The following PABIR3 variants were observed in gnomAD, a reference collection of about 807,000 sequenced individuals.
PABIR3 encodes PABIR family member 1.
Under a neutral mutation model 23.1 loss-of-function variants are expected in PABIR3, and 20 were observed. The ratio of observed to expected loss-of-function variants is 0.86; its 90% CI spans 0.61 to 1.26. PABIR3 has a LOEUF of 1.26. Ranked by LOEUF, PABIR3 falls within the 50% of genes most tolerant of loss-of-function variation. The pLI, the probability that PABIR3 is intolerant of heterozygous loss-of-function variation, is 0.00. For synonymous variants in PABIR3, 69 were observed against 68.5 expected, an observed-to-expected ratio of 1.01 and a Z score of -0.04; for missense variants, 189 against 195.4, an observed-to-expected ratio of 0.97 and a Z score of 0.20.
At chrX:134,806,330 ACT>A (rs1226657579), upstream of PABIR3, among the ~76,000 whole-genome samples, 1 of 111,963 alleles carries the variant, frequency 8.9e-6, no homozygotes, top group Non-Finnish European at 1.9e-5. Flanking sequence ...AAAAATACAC[ACT>A]GAGGCAGGCG....
the PABIR3 span, among the ~76,000 whole-genome samples, chrX:134,861,972 T>A: frequency 9.1e-6 from 1 of 110,377 alleles, no homozygotes. Flanking sequence ...TGGGAAACAT[T>A]GGGTTAAAAT....
At chrX:134,808,925 T>C (rs1038500069) in intron 2 of PABIR3, among the ~76,000 whole-genome samples, 4 of 111,970 alleles carry the variant, frequency 3.6e-5, no homozygotes, top group African/African-American at 1.3e-4. Context: ...GAGAAAATAG[T>C]TCTTGGGGGA....
chrX:134,828,047 C>CTCTCTCTCTCTCTATATATATATATATA (rs1466733144), intron 3 of PABIR3, among the ~76,000 whole-genome samples: 1 of 49,418 alleles, frequency 2.0e-5, no homozygotes, highest in African/African-American at 8.2e-5. Flanking sequence ...CTCTCTCTCT[C>CTCTCTCTCTCTCTATATATATATATATA]TATATATATA....
chrX:134,858,820 G>A (rs2082760589), downstream of PABIR3, among the ~76,000 whole-genome samples: 1 of 111,626 alleles, frequency 9.0e-6, no homozygotes, highest in Admixed American at 9.6e-5. Flanking sequence ...ACGTATAGGT[G>A]GAGAGAATCA....
chrX:134,832,075 C>G (rs1217227619), intron 4 of PABIR3, among the ~76,000 whole-genome samples: 2 of 110,601 alleles, frequency 1.8e-5, no homozygotes, highest in African/African-American at 6.6e-5. Flanking sequence ...GTCAGGAGTT[C>G]GAGACCAGTC....
In PABIR3 at chrX:134,852,788, G is replaced by A. The variant is rs184226667; in HGVS notation, c.590-12G>A. ...AATAAAACATCTACCTTGATCTGCT[G>A]TATTGTCATAGGTGAAATGGCATTT... On this transcript the variant is annotated splice_polypyrimidine_tract_variant and intron_variant, in intron 9 of 10. Coordinates refer to ENST00000645433, the MANE Select transcript of PABIR3 (RefSeq NM_001388447.1). 293 of 1,069,154 alleles carry A rather than the reference G, an allele frequency of 2.7e-4. 1 individual carries two copies. The African/African-American group carries it at 4.9e-3, about 18-fold the overall frequency. 88.1% of individuals were successfully genotyped at this position (1,069,154 alleles called of 1,213,427 possible).
downstream of PABIR3, among the ~76,000 whole-genome samples, chrX:134,857,109 T>C (rs1427769485): frequency 8.9e-6 from 1 of 112,352 alleles, no homozygotes; most frequent in East Asian, 2.8e-4. Flanking sequence ...ATGCATTAGT[T>C]TCCCAGGGCT....
intron 3 of PABIR3, among the ~76,000 whole-genome samples, chrX:134,821,128 G>T (rs890979325): frequency 1.0e-5 from 1 of 98,746 alleles, no homozygotes; most frequent in African/African-American, 3.7e-5. Flanking sequence ...GTATACATAC[G>T]TATATAGGTA....
chrX:134,806,342 G>A (rs1363399868), upstream of PABIR3, among the ~76,000 whole-genome samples: 1 of 111,923 alleles, frequency 8.9e-6, no homozygotes, highest in Non-Finnish European at 1.9e-5. Flanking sequence ...TGAGGCAGGC[G>A]CGGTGGCTCA....
the PABIR3 span, among the ~76,000 whole-genome samples, chrX:134,862,399 C>T: frequency 1.8e-5 from 2 of 111,374 alleles, no homozygotes; most frequent in South Asian, 7.5e-4. Flanking sequence ...ATCTGCCCGC[C>T]TCAGCCTCCC....
intron 3 of PABIR3, among the ~76,000 whole-genome samples, chrX:134,823,585 G>A (rs977381678): frequency 2.2e-4 from 25 of 111,276 alleles, no homozygotes; most frequent in African/African-American, 8.2e-4. Flanking sequence ...ATACATACAC[G>A]TATACATATA....
chrX:134,847,296 A>C (rs973566225), intron 6 of PABIR3, 87 bp from the exon 7 acceptor site: 2 of 656,624 alleles, frequency 3.0e-6, no homozygotes, highest in African/African-American at 4.3e-5. Context: ...AGTAGTAAGG[A>C]CTCACTTCCC....
At chrX:134,820,893 G>A (rs1015495341) in intron 3 of PABIR3, among the ~76,000 whole-genome samples, 1 of 108,003 alleles carries the variant, frequency 9.3e-6, no homozygotes, top group Non-Finnish European at 1.9e-5. Context: ...CTGGTGGCAC[G>A]CGCCTGTAAT....
chrX:134,839,643 G>A (rs1176196415), intron 4 of PABIR3: 1 of 114,795 alleles, frequency 8.7e-6, no homozygotes, highest in African/African-American at 3.3e-5. Context: ...ACTGGGAAGT[G>A]AGGAGCCCCT....
chrX:134,840,120 C>T (rs984353495), intron 4 of PABIR3, among the ~76,000 whole-genome samples: 1 of 111,520 alleles, frequency 9.0e-6, no homozygotes, highest in African/African-American at 3.3e-5. Flanking sequence ...GGATTAAGGG[C>T]GGTGCAAGAT....
Position 134,807,342 on chromosome X carries a change from G to A in PABIR3, c.-60+1G>A, listed in dbSNP as rs1037481522. ...CCCCAGTTACATTATAGACTTGGAG[G>A]TGGGGGATCTTCTCATCGTTAGAGG... On this transcript the variant is annotated splice_donor_variant, in intron 1 of 10. Transcript: ENST00000645433. LOFTEE classifies it low-confidence loss of function (5UTR_SPLICE). The A allele has an allele frequency of 1.0e-6, 1 of 957,210 alleles. No individual in the cohort carries two copies. Among genetic ancestry groups the A allele is most frequent in the South Asian group, 5.1e-5 (1 of 19,698 alleles). The allele number at this position is 957,210 out of a possible 1,213,427, so 78.9% of individuals were successfully genotyped here.
intron 4 of PABIR3, among the ~76,000 whole-genome samples, chrX:134,840,472 T>C (rs2082192284): frequency 9.0e-6 from 1 of 111,694 alleles, no homozygotes; most frequent in Non-Finnish European, 1.9e-5. Context: ...TAAAAATAGC[T>C]AATATGTGTT....
At chrX:134,813,945 T>C (rs971650999) in intron 2 of PABIR3, among the ~76,000 whole-genome samples, 1 of 108,967 alleles carries the variant, frequency 9.2e-6, no homozygotes, top group Non-Finnish European at 1.9e-5. Context: ...AACTTTTCAA[T>C]AGAAGCCAGA....
At chrX:134,811,611 T>C (rs978273097) in intron 2 of PABIR3, among the ~76,000 whole-genome samples, 4 of 111,010 alleles carry the variant, frequency 3.6e-5, no homozygotes, top group Admixed American at 9.7e-5. Flanking sequence ...AATTTTTGTA[T>C]TTTTAGTAGA....
Sources: allele counts gnomAD v4.1 joint callset (sites outside exome capture counted in the v4.1 genomes callset), GRCh38; gene constraint gnomAD v4.1.1; transcripts MANE v1.5; gene names NCBI Gene and HGNC (gene_info 2026-07-23, HGNC 2026-07-21).